CNTN3: variants seen among roughly 807,000 people sequenced by gnomAD.
The protein encoded by CNTN3 is contactin-3.
CNTN3 carries 60 observed loss-of-function variants against 119.1 expected under a neutral mutation model. The ratio of observed to expected loss-of-function variants is 0.50; its 90% CI spans 0.41 to 0.62. The LOEUF (loss-of-function observed/expected upper bound fraction) is 0.62. CNTN3 is among the 20% of genes least tolerant of loss of function. CNTN3 has a pLI of 0.00. For missense variants in CNTN3, 1,101 were observed against 1,242.4 expected (o/e 0.89, Z 1.71); for synonymous variants, 450 against 438.7 (o/e 1.03, Z -0.32).
chr3:74,562,021 A>T (rs981330293), intron 1 of CNTN3, among the ~76,000 whole-genome samples: 5 of 152,206 alleles, frequency 3.3e-5, no homozygotes, highest in Non-Finnish European at 5.9e-5. Context: ...TACAGGAGGT[A>T]CGAAGTATGC....
chr3:74,451,150 T>A (rs530190958), intron 4 of CNTN3, among the ~76,000 whole-genome samples: 1 of 152,224 alleles, frequency 6.6e-6, no homozygotes, highest in Admixed American at 6.5e-5. Context: ...AGTGTTCCTA[T>A]TTCTCCACAT....
chr3:74,366,867 A>G (rs2106783271), intron 8 of CNTN3, among the ~76,000 whole-genome samples: 1 of 139,272 alleles, frequency 7.2e-6, no homozygotes, highest in South Asian at 2.3e-4. Context: ...ATTAAAACAC[A>G]TTTTCTTCTT....
chr3:74,606,164 T>C (rs2106711503), intron 1 of CNTN3, among the ~76,000 whole-genome samples: 1 of 151,008 alleles, frequency 6.6e-6, no homozygotes, highest in Non-Finnish European at 1.5e-5. Context: ...ACAGGAACAC[T>C]AAAAAAAGGA....
At chr3:74,336,185 T>G (rs1703390837) in intron 12 of CNTN3, among the ~76,000 whole-genome samples, 1 of 151,906 alleles carries the variant, frequency 6.6e-6, no homozygotes, top group Admixed American at 6.6e-5. Context: ...CTTGAACATC[T>G]CCAGAAAAAA....
chr3:74,564,489 G>A (rs1263580793), intron 1 of CNTN3, among the ~76,000 whole-genome samples: 3 of 151,558 alleles, frequency 2.0e-5, no homozygotes, highest in African/African-American at 7.3e-5. Context: ...GCCCCAGGGA[G>A]AAGGTACTGG....
intron 1 of CNTN3, among the ~76,000 whole-genome samples, chr3:74,527,618 C>T (rs2107131126): frequency 6.6e-6 from 1 of 152,028 alleles, no homozygotes; most frequent in South Asian, 2.1e-4. Context: ...GACACAGTTA[C>T]CTAATCATGC....
At chr3:74,286,976 G>A (rs755842747) in intron 19 of CNTN3, among the ~76,000 whole-genome samples, 4 of 152,198 alleles carry the variant, frequency 2.6e-5, no homozygotes, top group Non-Finnish European at 4.4e-5. Context: ...GCAGGGGCTT[G>A]TCTGTCTTGG....
chr3:74,327,403 CA>C (rs1414698339), intron 13 of CNTN3, among the ~76,000 whole-genome samples: 1 of 152,026 alleles, frequency 6.6e-6, no homozygotes, highest in Non-Finnish European at 1.5e-5. Context: ...GCTCGTATTA[CA>C]GGCATGAGCC....
intron 5 of CNTN3, among the ~76,000 whole-genome samples, chr3:74,398,621 T>C (rs898418016): frequency 6.6e-6 from 1 of 152,226 alleles, no homozygotes; most frequent in Non-Finnish European, 1.5e-5. Context: ...TTTTTCCCCA[T>C]GTTTTTTGTC....
chr3:74,330,240 C>G (rs926434777), intron 13 of CNTN3, among the ~76,000 whole-genome samples: 2 of 151,962 alleles, frequency 1.3e-5, no homozygotes, highest in Admixed American at 6.6e-5. Flanking sequence ...CCGGTAGTCC[C>G]AGCTAGTAGG....
At chr3:74,272,359 C>T (rs1036274514) in intron 20 of CNTN3, among the ~76,000 whole-genome samples, 1 of 152,128 alleles carries the variant, frequency 6.6e-6, no homozygotes, top group Non-Finnish European at 1.5e-5. Flanking sequence ...AAAACTCTTA[C>T]AAAATAAAGT....
At chr3:74,558,986 A>AATAATAATG (rs1326327168) in intron 1 of CNTN3, among the ~76,000 whole-genome samples, 1 of 148,324 alleles carries the variant, frequency 6.7e-6, no homozygotes, top group African/African-American at 2.5e-5. Context: ...CTGTCTCAAT[A>AATAATAATG]ATAATAATAA....
At chr3:74,382,712 A>G (rs1181598280) in intron 5 of CNTN3, among the ~76,000 whole-genome samples, 1 of 152,200 alleles carries the variant, frequency 6.6e-6, no homozygotes, top group African/African-American at 2.4e-5. Context: ...TCCTTTGTAA[A>G]GGCTTAAGAA....
At chr3:74,271,900 T>C (rs982863959) in intron 20 of CNTN3, among the ~76,000 whole-genome samples, 6 of 152,206 alleles carry the variant, frequency 3.9e-5, no homozygotes, top group African/African-American at 1.4e-4. Flanking sequence ...CACAATGTTT[T>C]AAAACACAAC....
At chr3:74,599,298 A>C (rs906904901) in intron 1 of CNTN3, among the ~76,000 whole-genome samples, 2 of 152,102 alleles carry the variant, frequency 1.3e-5, no homozygotes, top group South Asian at 4.1e-4. Flanking sequence ...ACATGAAATA[A>C]GGGTAATGAG....
chr3:74,461,075 A>T (rs1702358802), intron 4 of CNTN3, among the ~76,000 whole-genome samples: 1 of 151,876 alleles, frequency 6.6e-6, no homozygotes, highest in African/African-American at 2.4e-5. Context: ...ATTTTATCAA[A>T]GGCTTTTTAC....
At chr3:74,581,710 A>T (rs1575844576) in intron 1 of CNTN3, among the ~76,000 whole-genome samples, 1 of 152,320 alleles carries the variant, frequency 6.6e-6, no homozygotes. Flanking sequence ...ACACTAACTG[A>T]TTTCTACCTA....
At chr3:74,279,846 G>C (rs1301244960) in intron 20 of CNTN3, among the ~76,000 whole-genome samples, 2 of 151,928 alleles carry the variant, frequency 1.3e-5, no homozygotes, top group African/African-American at 4.8e-5. Flanking sequence ...AGAGTAGAAG[G>C]ATGATTACTA....
Position 74,525,370 on chromosome 3 carries a change from A to T in CNTN3, c.-80-4178T>A, listed in dbSNP as rs577101333. Among the ~76,000 whole-genome samples, 9 of 152,030 alleles carry T rather than the reference A, an allele frequency of 5.9e-5. No individual in the cohort carries two copies. In the South Asian group the frequency reaches 1.9e-3, roughly 32 times the overall value. On this transcript the variant is annotated intron_variant, in intron 1 of 22. Coordinates refer to ENST00000263665, the MANE Select transcript of CNTN3 (RefSeq NM_020872.3). ...AAATTATGTTGCTTATTTTTAATCAATGTTAAAGTAGGACATTGGCTTTAT... is the reference window on the plus strand; with the variant it reads ...AAATTATGTTGCTTATTTTTAATCATTGTTAAAGTAGGACATTGGCTTTAT...
Sources: gnomAD v4.1 joint callset for allele counts (sites outside exome capture counted in the v4.1 genomes callset) on GRCh38, gnomAD v4.1.1 for gene constraint, MANE v1.5 for transcripts, NCBI Gene and HGNC (gene_info 2026-07-23, HGNC 2026-07-21) for gene names.